The following COG5 variants were observed in gnomAD, a reference collection of about 807,000 sequenced individuals.
COG5 encodes the protein component of oligomeric golgi complex 5.
COG5 carries 86 observed loss-of-function variants against 110.4 expected under a neutral mutation model. The ratio of observed to expected loss-of-function variants is 0.78; its 90% CI spans 0.65 to 0.93. The LOEUF is 0.93. Among genes scored for constraint, COG5 ranks in the 40% least tolerant of loss-of-function variants. The probability of loss-of-function intolerance (pLI) is 0.00; values close to 1 mark genes in which losing one functional copy is unlikely to be tolerated. For synonymous variants in COG5, 360 were observed against 334.6 expected (o/e 1.08, Z -0.83); for missense variants, 1,077 against 987.0 (o/e 1.09, Z -1.22).
At chr7:107,465,239 A>T (rs1018301276) in intron 6 of COG5, among the ~76,000 whole-genome samples, 1 of 151,978 alleles carries the variant, frequency 6.6e-6, no homozygotes, top group East Asian at 1.9e-4. Flanking sequence ...CACACAAAAA[A>T]CTCCCAAGAC....
intron 12 of COG5, among the ~76,000 whole-genome samples, chr7:107,294,854 T>C: frequency 7.4e-6 from 1 of 135,538 alleles, no homozygotes. Flanking sequence ...TAGCTGGGAT[T>C]ATAGGCATGT....
intron 14 of COG5, among the ~76,000 whole-genome samples, chr7:107,278,364 T>G (rs537084799): frequency 4.5e-4 from 68 of 152,274 alleles, no homozygotes; most frequent in Admixed American, 2.3e-3. Flanking sequence ...GGTGGTTTGC[T>G]GCACCCATCA....
At chr7:107,316,577 G>GC (rs776686532) in intron 11 of COG5, among the ~76,000 whole-genome samples, 4 of 150,964 alleles carry the variant, frequency 2.6e-5, no homozygotes, top group African/African-American at 9.8e-5. Flanking sequence ...ACTTTGGGAG[G>GC]CCAGGGCGGG....
intron 6 of COG5, among the ~76,000 whole-genome samples, chr7:107,459,540 T>C (rs1795862753): frequency 6.6e-6 from 1 of 152,122 alleles, no homozygotes. Context: ...CTCACGACTG[T>C]AATTCCAGCA....
At chr7:107,424,048 G>C (rs992734517) in intron 6 of COG5, among the ~76,000 whole-genome samples, 1 of 152,034 alleles carries the variant, frequency 6.6e-6, no homozygotes, top group Non-Finnish European at 1.5e-5. Context: ...TGAGGCTGGC[G>C]GACTGCCCGA....
chr7:107,272,520 T>C (rs1358160523), intron 14 of COG5, among the ~76,000 whole-genome samples: 1 of 152,180 alleles, frequency 6.6e-6, no homozygotes, highest in African/African-American at 2.4e-5. Flanking sequence ...AAATAAACTT[T>C]CTAAATTAAC....
chr7:107,223,280 A>G (rs1381257152), intron 19 of COG5, among the ~76,000 whole-genome samples: 1 of 152,150 alleles, frequency 6.6e-6, no homozygotes, highest in African/African-American at 2.4e-5. Context: ...GAGAGAGAAG[A>G]GAAAGTGTTG....
intron 6 of COG5, among the ~76,000 whole-genome samples, chr7:107,426,073 T>C (rs1261957351): frequency 2.0e-5 from 3 of 152,176 alleles, no homozygotes; most frequent in Non-Finnish European, 4.4e-5. Context: ...TTCTCCCTTA[T>C]GGACCACACA....
chr7:107,282,466 T>A (rs1805246707), intron 13 of COG5, among the ~76,000 whole-genome samples: 1 of 152,156 alleles, frequency 6.6e-6, no homozygotes, highest in South Asian at 2.1e-4. Context: ...ATCTAGACAA[T>A]TTGTAGGTAC....
chr7:107,425,905 T>C (rs1793614436), intron 6 of COG5, among the ~76,000 whole-genome samples: 1 of 152,188 alleles, frequency 6.6e-6, no homozygotes, highest in African/African-American at 2.4e-5. Context: ...TCAATATGAC[T>C]AGTGTCCTTA....
chr7:107,531,186 G>C (rs1273413415), intron 5 of COG5, among the ~76,000 whole-genome samples: 1 of 151,962 alleles, frequency 6.6e-6, no homozygotes, highest in African/African-American at 2.4e-5. Flanking sequence ...GTTTCCCACA[G>C]ACTGGGTTTT....
chr7:107,280,694 A>G (rs1480309922), intron 14 of COG5, among the ~76,000 whole-genome samples: 1 of 152,038 alleles, frequency 6.6e-6, no homozygotes, highest in East Asian at 1.9e-4. Flanking sequence ...CTTAACTTTC[A>G]AACATTAATG....
intron 19 of COG5, among the ~76,000 whole-genome samples, chr7:107,227,905 T>G (rs918570174): frequency 5.9e-5 from 9 of 152,130 alleles, no homozygotes; most frequent in African/African-American, 2.2e-4. Context: ...AGATGGGGTT[T>G]CACCATGTTG....
At chr7:107,373,947 C>T (rs1562996236) in intron 7 of COG5, among the ~76,000 whole-genome samples, 1 of 152,072 alleles carries the variant, frequency 6.6e-6, no homozygotes, top group Non-Finnish European at 1.5e-5. Context: ...TAAACTCACA[C>T]ACAGAGGCAA....
chr7:107,238,035 T>C (rs911967717), intron 17 of COG5, among the ~76,000 whole-genome samples: 9 of 152,204 alleles, frequency 5.9e-5, no homozygotes, highest in Non-Finnish European at 1.2e-4. Flanking sequence ...TACACAGTAA[T>C]GTTATATGTA....
chr7:107,299,338 G>A (rs1383521035), intron 11 of COG5, among the ~76,000 whole-genome samples: 1 of 152,030 alleles, frequency 6.6e-6, no homozygotes, highest in Non-Finnish European at 1.5e-5. Flanking sequence ...TAACAGAGAT[G>A]ATCTCATTAC....
At chr7:107,289,052 C>T (rs1453120949) in intron 12 of COG5, among the ~76,000 whole-genome samples, 2 of 149,366 alleles carry the variant, frequency 1.3e-5, no homozygotes, top group Admixed American at 6.7e-5. Context: ...ACTCAAACTC[C>T]TGGACTCAAG....
At chr7:107,370,114 T>C (rs1274485041) in intron 8 of COG5, among the ~76,000 whole-genome samples, 1 of 152,094 alleles carries the variant, frequency 6.6e-6, no homozygotes, top group Non-Finnish European at 1.5e-5. Flanking sequence ...CGTGTGTGTA[T>C]AATTTTTTTT....
rs576084903 is a variant in COG5, at chr7:107,294,804, C to T, written c.1313+3338G>A. Among the ~76,000 whole-genome samples the T allele has an allele frequency of 5.6e-5, 8 of 143,002 alleles. No individual in the cohort carries two copies. The East Asian group carries it at 1.6e-3, about 29-fold the overall frequency. 93.8% of individuals were successfully genotyped at this position (143,002 alleles called of 152,430 possible). A position where few individuals can be genotyped will look rare whatever the true frequency, so the allele number is the denominator to read the frequency against. Reference sequence around the variant, plus strand: ...GATCTCAGCTCACTGCAATCTCCACCTCCTGGGTTCATGCAGTTTTCCTGC... The same window carrying T: ...GATCTCAGCTCACTGCAATCTCCACTTCCTGGGTTCATGCAGTTTTCCTGC... On this transcript the variant is annotated intron_variant, in intron 12 of 21. Coordinates refer to ENST00000297135, the MANE Select transcript of COG5 (RefSeq NM_006348.5).
Sources: allele counts gnomAD v4.1 joint callset (sites outside exome capture counted in the v4.1 genomes callset), GRCh38; gene constraint gnomAD v4.1.1; transcripts MANE v1.5; gene names NCBI Gene and HGNC (gene_info 2026-07-23, HGNC 2026-07-21).